The following GPAM variants were observed in gnomAD, a reference collection of about 807,000 sequenced individuals.
GPAM encodes glycerol-3-phosphate acyltransferase 1, mitochondrial.
In GPAM, 56 loss-of-function variants were observed where a neutral mutation model predicts 105.0. The ratio of observed to expected loss-of-function variants is 0.53; its 90% CI spans 0.43 to 0.67. GPAM has a LOEUF of 0.67. Among genes scored for constraint, GPAM ranks in the 30% least tolerant of loss-of-function variants. The pLI is 0.00. For missense variants in GPAM, 855 were observed against 989.8 expected, an observed-to-expected ratio of 0.86 and a Z score of 1.83; for synonymous variants, 368 against 354.4, an observed-to-expected ratio of 1.04 and a Z score of -0.43.
intron 16 of GPAM, chr10:112,160,361 G>T: frequency 1.0e-6 from 1 of 974,884 alleles, no homozygotes; most frequent in Non-Finnish European, 1.2e-6. Flanking sequence ...TTCAGCTCCT[G>T]GATAGCAAGA....
rs1373191058 is a variant in GPAM, at chr10:112,181,771, G to A, written c.14C>T (p.Ala5Val). The change falls in exon 3 of 22, where the codon GCA becomes GTA. Residue 5 changes from alanine (A) to valine (V), a missense_variant. Coordinates refer to ENST00000348367, the MANE Select transcript of GPAM (RefSeq NM_001244949.2). ...AACATCTATTGTACCAAGGGTCAGT[G>A]CAGATTCATCCATGTCACAAAGTGT... MDES[A>V]LTLGTIDVSY... 6.3e-7 allele frequency: 1 copy of A among 1,593,630 alleles called. No individual in the cohort carries two copies. Among genetic ancestry groups the A allele is most frequent in the Non-Finnish European group, 8.6e-7 (1 of 1,161,486 alleles).
intron 1 of GPAM, among the ~76,000 whole-genome samples, chr10:112,190,761 T>C (rs890433031): frequency 7.2e-5 from 11 of 152,054 alleles, no homozygotes; most frequent in Non-Finnish European, 1.6e-4. Context: ...TATATATTGG[T>C]TTATGAAATC....
At chr10:112,175,834 G>A in intron 5 of GPAM, 121 bp from the exon 6 acceptor site, 1 of 685,382 alleles carries the variant, frequency 1.5e-6, no homozygotes, top group Non-Finnish European at 2.6e-6. Context: ...GAGATTTAGG[G>A]TTCTCCTACA....
In GPAM at chr10:112,199,089, ATGTGTGTGTG is replaced by A. The variant is rs34627276; in HGVS notation, n.210+16069_210+16078del. ...AGACACACGCCGCCACGCCTGGCTA[ATGTGTGTGTG>A]TGTGTGTGTGTGTGTGTGTGTGTGT... On this transcript the variant is annotated intron_variant and non_coding_transcript_variant, in intron 1 of 3. Transcript: ENST00000480130. Among the ~76,000 whole-genome samples the A allele has an allele frequency of 8.8e-4, 119 of 134,972 alleles. 1 individual carries two copies. The South Asian group carries it at 9.1e-3, about 10-fold the overall frequency. 88.5% of individuals were successfully genotyped at this position (134,972 alleles called of 152,430 possible). A position where few individuals can be genotyped will look rare whatever the true frequency, so the allele number is the denominator to read the frequency against.
At chr10:112,161,943 T>G (rs1413643368) in intron 14 of GPAM, among the ~76,000 whole-genome samples, 3 of 152,232 alleles carry the variant, frequency 2.0e-5, no homozygotes, top group Non-Finnish European at 4.4e-5. Context: ...CTATTCATCA[T>G]ACAACAGGCT....
chr10:112,172,467 A>G (rs1005525625), intron 8 of GPAM, 149 bp from the exon 9 acceptor site: 2 of 694,608 alleles, frequency 2.9e-6, no homozygotes, highest in African/African-American at 1.8e-5. Context: ...ACTTCCTTCA[A>G]TGTAATACTT....
chr10:112,151,331 GTT>G lies in GPAM; in HGVS notation c.*2217_*2218del. On this transcript the variant is annotated 3_prime_UTR_variant, in exon 22 of 22. Coordinates refer to ENST00000348367, the MANE Select transcript of GPAM (RefSeq NM_001244949.2). ...ATTGTGAAGATGCTTTCGTTTTTTT[GTT>G]TTTTGTTTTCAGTCATGAGGCACTG... is the stretch of plus-strand genomic sequence containing the variant. 1.0e-6 allele frequency: 1 copy of G among 985,264 alleles called. No individual in the cohort carries two copies. Among genetic ancestry groups the G allele is most frequent in the Non-Finnish European group, 1.2e-6 (1 of 829,612 alleles). 61.0% of individuals were successfully genotyped at this position (985,264 alleles called of 1,614,324 possible). A position where few individuals can be genotyped will look rare whatever the true frequency, so the allele number is the denominator to read the frequency against.
chr10:112,167,783 A>T (rs1240404738), intron 11 of GPAM, among the ~76,000 whole-genome samples: 1 of 152,200 alleles, frequency 6.6e-6, no homozygotes, highest in Non-Finnish European at 1.5e-5. Flanking sequence ...AGTTGCATAG[A>T]TGTATTCACT....
intron 14 of GPAM, among the ~76,000 whole-genome samples, chr10:112,163,441 T>TATTTAATTAA (rs1847158087): frequency 9.6e-6 from 1 of 104,412 alleles, no homozygotes; most frequent in African/African-American, 3.3e-5. Flanking sequence ...AGGCAACAAA[T>TATTTAATTAA]CATTTTAATA....
At chr10:112,180,628 A>G (rs532132935) in intron 3 of GPAM, 33 bp from the exon 4 acceptor site, 1 of 1,585,344 alleles carries the variant, frequency 6.3e-7, no homozygotes, top group East Asian at 2.2e-5. Context: ...TATAGTTTCT[A>G]AATGGCAAGA....
At chr10:112,191,580 G>T (rs1409129018) in intron 1 of GPAM, among the ~76,000 whole-genome samples, 1 of 152,204 alleles carries the variant, frequency 6.6e-6, no homozygotes, top group Non-Finnish European at 1.5e-5. Flanking sequence ...GCATAGCCAG[G>T]CTCTGTGGTT....
intron 2 of GPAM, among the ~76,000 whole-genome samples, chr10:112,182,560 T>C (rs915093308): frequency 3.3e-5 from 5 of 152,256 alleles, no homozygotes; most frequent in African/African-American, 1.2e-4. Flanking sequence ...TAGCCTCACA[T>C]TATTTTTGCT....
chr10:112,178,964 T>C (rs1338236648), intron 4 of GPAM, among the ~76,000 whole-genome samples: 1 of 152,222 alleles, frequency 6.6e-6, no homozygotes, highest in Non-Finnish European at 1.5e-5. Flanking sequence ...GCTGAAAAGA[T>C]AGTCTATAGC....
intron 1 of GPAM, among the ~76,000 whole-genome samples, chr10:112,192,097 T>C (rs1847667214): frequency 6.6e-6 from 1 of 152,100 alleles, no homozygotes; most frequent in Non-Finnish European, 1.5e-5. Flanking sequence ...AGCAACAGGG[T>C]AAGGGGTAGG....
intron 1 of GPAM, among the ~76,000 whole-genome samples, chr10:112,191,176 C>T (rs915087229): frequency 4.6e-5 from 7 of 152,308 alleles, no homozygotes; most frequent in Non-Finnish European, 8.8e-5. Context: ...TGCACCAAGT[C>T]CAGGTCCAAC....
intron 3 of GPAM, among the ~76,000 whole-genome samples, chr10:112,181,107 T>C (rs1441818062): frequency 1.3e-5 from 2 of 152,006 alleles, no homozygotes; most frequent in African/African-American, 4.8e-5. Flanking sequence ...AACCTTGCTC[T>C]TCTATTCTAA....
In GPAM at chr10:112,150,532, G is replaced by A. The variant is rs1589572226; in HGVS notation, c.*3018C>T. 9 of 985,650 alleles carry A rather than the reference G, an allele frequency of 9.1e-6. No homozygotes were observed. The highest frequency in any genetic ancestry group is 8.7e-5 in the African/African-American group (5 of 57,348). 61.1% of individuals were successfully genotyped at this position (985,650 alleles called of 1,614,324 possible). ...TGCATATTCTGCCCCAGTGCTATCT[G>A]TTCATTACCGTTTTGTCTCCTTAAA... On this transcript the variant is annotated 3_prime_UTR_variant, in exon 22 of 22. Transcript: ENST00000348367.
At chr10:112,178,277 C>T (rs1421419778) in intron 4 of GPAM, among the ~76,000 whole-genome samples, 2 of 152,162 alleles carry the variant, frequency 1.3e-5, no homozygotes, top group Non-Finnish European at 2.9e-5. Flanking sequence ...TAGCCAGGCG[C>T]AGTGGCTCAC....
chr10:112,192,094 G>A (rs947673994), intron 1 of GPAM, among the ~76,000 whole-genome samples: 1 of 152,178 alleles, frequency 6.6e-6, no homozygotes, highest in African/African-American at 2.4e-5. Context: ...ACAAGCAACA[G>A]GGTAAGGGGT....
Sources: allele counts gnomAD v4.1 joint callset (sites outside exome capture counted in the v4.1 genomes callset), GRCh38; gene constraint gnomAD v4.1.1; transcripts MANE v1.5; gene names NCBI Gene and HGNC (gene_info 2026-07-23, HGNC 2026-07-21).